C19orf18: variants seen among roughly 807,000 people sequenced by gnomAD.
C19orf18 encodes uncharacterized protein C19orf18.
Under a neutral mutation model 23.3 loss-of-function variants are expected in C19orf18, and 21 were observed. The observed-to-expected ratio is 0.90, with a 90% CI of 0.64 to 1.30. The LOEUF (loss-of-function observed/expected upper bound fraction) is 1.30. Ranked by LOEUF, C19orf18 falls within the 50% of genes most tolerant of loss-of-function variation. The pLI, the probability that C19orf18 is intolerant of heterozygous loss-of-function variation, is 0.00. For missense variants in C19orf18, 249 were observed against 259.6 expected, an observed-to-expected ratio of 0.96 and a Z score of 0.28; for synonymous variants, 96 against 95.2, an observed-to-expected ratio of 1.01 and a Z score of -0.05.
intron 3 of C19orf18, among the ~76,000 whole-genome samples, chr19:57,970,308 C>G (rs529167203): frequency 6.6e-6 from 1 of 152,160 alleles, no homozygotes; most frequent in African/African-American, 2.4e-5. Flanking sequence ...CCGTCTATAA[C>G]CAATCAAATA....
At chr19:57,960,594 C>A (rs1432550239) in intron 5 of C19orf18, among the ~76,000 whole-genome samples, 1 of 152,084 alleles carries the variant, frequency 6.6e-6, no homozygotes, top group East Asian at 1.9e-4. Context: ...ATTTTCACGT[C>A]AGATGGAGAC....
intron 5 of C19orf18, among the ~76,000 whole-genome samples, chr19:57,959,420 C>T (rs1196719057): frequency 6.6e-6 from 1 of 151,194 alleles, no homozygotes; most frequent in Non-Finnish European, 1.5e-5. Flanking sequence ...GTCAAGAGTT[C>T]GAGACCAGCC....
At chr19:57,965,764 A>C (rs2072903165) in intron 4 of C19orf18, among the ~76,000 whole-genome samples, 1 of 152,040 alleles carries the variant, frequency 6.6e-6, no homozygotes, top group African/African-American at 2.4e-5. Flanking sequence ...CCTCCAAAAA[A>C]AGTAGAAAAA....
intron 3 of C19orf18, among the ~76,000 whole-genome samples, chr19:57,968,235 G>C (rs1376527803): frequency 6.6e-6 from 1 of 152,172 alleles, no homozygotes; most frequent in East Asian, 1.9e-4. Flanking sequence ...CCAGTCATGG[G>C]GGTTCCACCC....
chr19:57,969,392 T>C (rs1280833317), intron 3 of C19orf18, among the ~76,000 whole-genome samples: 4 of 149,312 alleles, frequency 2.7e-5, no homozygotes, highest in Non-Finnish European at 5.9e-5. Context: ...CCATCTCCAC[T>C]AAAAATGCAA....
In C19orf18 at chr19:57,958,805, A is replaced by G. The variant is rs1306684399; in HGVS notation, c.533-88T>C. 4.5e-6 allele frequency: 3 copies of G among 667,928 alleles called. No individual in the cohort carries two copies. In the East Asian group the frequency reaches 9.1e-5, roughly 20 times the overall value. The allele number at this position is 667,928 out of a possible 1,614,324, so 41.4% of individuals were successfully genotyped here. A position where few individuals can be genotyped will look rare whatever the true frequency, so the allele number is the denominator to read the frequency against. On this transcript the variant is annotated intron_variant, in intron 5 of 5. Transcript: ENST00000314391. ...GGGGTGAGGGAAAAAGCCTGGAAAA[A>G]TAGAGGTACCAACAGTGGAATTTTC... is the stretch of plus-strand genomic sequence containing the variant.
intron 4 of C19orf18, 27 bp from the exon 5 acceptor site, chr19:57,961,578 A>C: frequency 6.3e-7 from 1 of 1,590,932 alleles, no homozygotes; most frequent in Non-Finnish European, 8.5e-7. Context: ...ATGAATTTAG[A>C]AGCACAGTTT....
rs1600204304 is a variant in C19orf18, at chr19:57,961,483, A to G, written c.440T>C (p.Leu147Ser). 2 of 1,614,160 alleles carry G rather than the reference A, an allele frequency of 1.2e-6. No homozygotes were observed. Among genetic ancestry groups the G allele is most frequent in the East Asian group, 2.2e-5 (1 of 44,882 alleles). ...CTCTGAGCCCTCTTCTTCATCTCCT[A>G]ATAACGGTATCCTGAGGTTCTTATA... ...SLYKNLRIPL[L>S]GDEEEGSEDE... Residue 147 changes from leucine to serine, a missense_variant, in exon 5 of 6, where the codon TTA (leucine) becomes TCA (serine). Leu to Ser is a moderately radical substitution (Grantham distance 145). Coordinates refer to ENST00000314391, the MANE Select transcript of C19orf18 (RefSeq NM_152474.5).
intron 4 of C19orf18, among the ~76,000 whole-genome samples, chr19:57,965,898 G>A (rs1296252337): frequency 6.6e-6 from 1 of 152,036 alleles, no homozygotes; most frequent in Admixed American, 6.6e-5. Context: ...GTGTCTGTGT[G>A]TGTGTGCATG....
intron 4 of C19orf18, among the ~76,000 whole-genome samples, chr19:57,961,881 T>C (rs571603045): frequency 5.3e-5 from 8 of 150,018 alleles, no homozygotes; most frequent in Non-Finnish European, 1.2e-4. Context: ...TTCTCTTCTC[T>C]TTTTCTTTCT....
At chr19:57,968,430 C>T (rs74939880) in intron 3 of C19orf18, among the ~76,000 whole-genome samples, 1 of 152,186 alleles carries the variant, frequency 6.6e-6, no homozygotes, top group East Asian at 1.9e-4. Flanking sequence ...GGGACACAGG[C>T]CAGCCTTGGC....
intron 2 of C19orf18, among the ~76,000 whole-genome samples, 159 bp downstream of exon 2, chr19:57,973,940 G>A (rs2072965026): frequency 6.6e-6 from 1 of 152,128 alleles, no homozygotes. Flanking sequence ...AACAGAGAGT[G>A]AAGAGCATAA....
chr19:57,968,861 C>T (rs1429985769), intron 3 of C19orf18, among the ~76,000 whole-genome samples: 1 of 152,150 alleles, frequency 6.6e-6, no homozygotes, highest in Non-Finnish European at 1.5e-5. Context: ...TACAAACCAA[C>T]CAATCCACAG....
rs530897506 is a variant in C19orf18 at position 57,961,609 on chromosome 19, C to T, written c.372-58G>A. 354 of 1,577,730 alleles carry T rather than the reference C, an allele frequency of 2.2e-4. 4 individuals are homozygous for T. In the South Asian group the frequency reaches 2.3e-3, roughly 10 times the overall value. On this transcript the variant is annotated intron_variant, in intron 4 of 5. Coordinates refer to ENST00000314391, the MANE Select transcript of C19orf18 (RefSeq NM_152474.5). ...AGTTTTCATGATGAATAATTCATTT[C>T]TCAACCATGCCACTTTTTGACAGGA...
Position 57,959,346 on chromosome 19 carries a change from G to A in C19orf18, c.533-629C>T, listed in dbSNP as rs994243158. Among the ~76,000 whole-genome samples the A allele has an allele frequency of 7.2e-5, 11 of 152,218 alleles. No homozygotes were observed. The South Asian group carries it at 8.3e-4, about 11-fold the overall frequency. On this transcript the variant is annotated intron_variant, in intron 5 of 5. Coordinates refer to ENST00000314391, the MANE Select transcript of C19orf18 (RefSeq NM_152474.5). The stretch of plus-strand genomic sequence containing the variant: ...CTACTAAAAATACAAAAACTAGCCC[G>A]GCGCAGTGGCTCATGCCTGTAATCC...
chr19:57,969,946 G>A (rs1313395741), intron 3 of C19orf18, among the ~76,000 whole-genome samples: 2 of 151,118 alleles, frequency 1.3e-5, no homozygotes, highest in East Asian at 3.9e-4. Context: ...TCTAGAAGTT[G>A]TGCTCACTGC....
chr19:57,961,980 CTCCCTTTCTCTT>C (rs966912319), intron 4 of C19orf18, among the ~76,000 whole-genome samples: 3 of 149,214 alleles, frequency 2.0e-5, no homozygotes, highest in Non-Finnish European at 3.0e-5. Context: ...CTCTCTCTCT[CTCCCTTTCTCTT>C]TCCCTTTCTC....
chr19:57,974,388 T>C lies in C19orf18; in HGVS notation c.45A>G (p.Leu15=). The C allele has an allele frequency of 6.2e-7, 1 of 1,613,954 alleles. No homozygotes were observed. The highest frequency in any genetic ancestry group is 8.5e-7 in the Non-Finnish European group (1 of 1,179,922). ...AGCATAAATGAAGTTGGCATTCCAT[T>C]AAAAACAAAAACAAAATGAGGAAAC... ...QSGFLILFLF[L]MECQLHLCLP... is the part of the protein sequence containing the mutation. Residue 15 remains leucine, a synonymous_variant, in exon 1 of 6, where the codon TTA becomes TTG. Transcript: ENST00000314391.
chr19:57,959,551 G>A lies in C19orf18; in HGVS notation c.533-834C>T, dbSNP rs563552324. On this transcript the variant is annotated intron_variant, in intron 5 of 5. Coordinates refer to ENST00000314391, the MANE Select transcript of C19orf18 (RefSeq NM_152474.5). Reference sequence around the variant, plus strand: ...GAAGCATGAGAATCACTTGAACCCAGGAGGCGGAGGTTACAGTGAACCAAG... The same window carrying A: ...GAAGCATGAGAATCACTTGAACCCAAGAGGCGGAGGTTACAGTGAACCAAG... Among the ~76,000 whole-genome samples the A allele has an allele frequency of 3.7e-4, 57 of 152,160 alleles. 1 individual carries two copies. The highest frequency in any genetic ancestry group is 5.1e-4 in the Non-Finnish European group (35 of 68,014).
Sources: allele counts gnomAD v4.1 joint callset (sites outside exome capture counted in the v4.1 genomes callset), GRCh38; gene constraint gnomAD v4.1.1; transcripts MANE v1.5; gene names NCBI Gene and HGNC (gene_info 2026-07-23, HGNC 2026-07-21).